PLCL1: variants seen among roughly 807,000 people sequenced by gnomAD.
PLCL1 encodes phospholipase C like 1 (inactive).
A neutral mutation model predicts 84.4 loss-of-function variants in PLCL1; 41 were observed. The observed-to-expected ratio is 0.49, with a 90% confidence interval of 0.38 to 0.63. The LOEUF (loss-of-function observed/expected upper bound fraction) is 0.63, where lower values mean the gene tolerates loss of function less well. Among genes scored for constraint, PLCL1 ranks in the 30% least tolerant of loss-of-function variants. The pLI, the probability that PLCL1 is intolerant of heterozygous loss-of-function variation, is 0.00. For missense variants in PLCL1, 1,206 were observed against 1,367.8 expected (o/e 0.88, Z 1.87); for synonymous variants, 490 against 488.3 (o/e 1.00, Z -0.05).
At chr2:198,031,947 TG>T (rs991518914) in intron 1 of PLCL1, among the ~76,000 whole-genome samples, 10 of 152,132 alleles carry the variant, frequency 6.6e-5, no homozygotes, top group African/African-American at 2.4e-4. Context: ...TCATGTAAGA[TG>T]GGTACATATA....
At chr2:197,955,880 G>A (rs1689480875) in intron 1 of PLCL1, among the ~76,000 whole-genome samples, 1 of 151,180 alleles carries the variant, frequency 6.6e-6, no homozygotes, top group Admixed American at 6.6e-5. Context: ...GTATACATGT[G>A]CCATGGTGGT....
At chr2:197,980,623 G>A (rs1327115356) in intron 1 of PLCL1, among the ~76,000 whole-genome samples, 1 of 152,138 alleles carries the variant, frequency 6.6e-6, no homozygotes, top group Non-Finnish European at 1.5e-5. Context: ...AATAAATAAT[G>A]TATTGAGCAC....
At chr2:198,096,008 A>G (rs1337740978) in intron 3 of PLCL1, among the ~76,000 whole-genome samples, 1 of 152,180 alleles carries the variant, frequency 6.6e-6, no homozygotes, top group Non-Finnish European at 1.5e-5. Context: ...TTGATATGCC[A>G]TTTTGTATAT....
chr2:197,879,403 G>T (rs1454078345), intron 1 of PLCL1, among the ~76,000 whole-genome samples: 1 of 152,154 alleles, frequency 6.6e-6, no homozygotes, highest in Admixed American at 6.5e-5. Flanking sequence ...AATTTCTGTT[G>T]TGTATCAGAG....
chr2:197,856,551 T>C (rs1687333281), intron 1 of PLCL1, among the ~76,000 whole-genome samples: 1 of 152,202 alleles, frequency 6.6e-6, no homozygotes, highest in Admixed American at 6.6e-5. Context: ...ATTGTATGTA[T>C]GCAGTTACGA....
intron 4 of PLCL1, among the ~76,000 whole-genome samples, chr2:198,102,818 G>A (rs1693378469): frequency 1.3e-5 from 2 of 152,090 alleles, no homozygotes; most frequent in Admixed American, 1.3e-4. Context: ...GAAGTTCCAA[G>A]GAAGGAGATT....
intron 1 of PLCL1, among the ~76,000 whole-genome samples, chr2:197,863,877 G>A (rs546469179): frequency 6.6e-6 from 1 of 152,234 alleles, no homozygotes; most frequent in South Asian, 2.1e-4. Flanking sequence ...AGAGCACTTT[G>A]ATAAGATAGC....
chr2:198,000,739 C>CTTT lies in PLCL1; in HGVS notation c.241-83009_241-83007dup, dbSNP rs111755074. On this transcript the variant is annotated intron_variant, in intron 1 of 5. Coordinates refer to ENST00000428675, the MANE Select transcript of PLCL1 (RefSeq NM_006226.4). ...AACAACCTGCTATCACTTTATTTCC[C>CTTT]TTTTTTTTTTTTATCTTGGAGACTT... is the stretch of plus-strand genomic sequence containing the variant. Among the ~76,000 whole-genome samples, 107 of 145,358 alleles carry CTTT rather than the reference C, an allele frequency of 7.4e-4. 1 individual carries two copies. The highest frequency in any genetic ancestry group is 5.0e-3 in the East Asian group (25 of 5,004).
At position 197,805,024 on chromosome 2, in the gene PLCL1, C is replaced by A; in HGVS notation, c.-76C>A. On this transcript the variant is annotated 5_prime_UTR_variant, in exon 1 of 6. Coordinates refer to ENST00000428675, the MANE Select transcript of PLCL1 (RefSeq NM_006226.4). This position sits in a 1 kb window ranked among gnomAD's most constrained non-coding sequence, Gnocchi z 4.0. ...GCGGGGCCGCCTCCCGGTGCAGGAGCGCACCGGTGCCTAGCGGCTGGACTC... is the reference window on the plus strand; with the variant it reads ...GCGGGGCCGCCTCCCGGTGCAGGAGAGCACCGGTGCCTAGCGGCTGGACTC... 2.9e-6 allele frequency: 4 copies of A among 1,391,098 alleles called. No homozygotes were observed. The highest frequency in any genetic ancestry group is 3.7e-6 in the Non-Finnish European group (4 of 1,070,402). The allele number at this position is 1,391,098 out of a possible 1,614,324, so 86.2% of individuals were successfully genotyped here.
intron 1 of PLCL1, among the ~76,000 whole-genome samples, chr2:197,865,169 C>T (rs1374816430): frequency 6.6e-6 from 1 of 152,136 alleles, no homozygotes; most frequent in African/African-American, 2.4e-5. Context: ...AAATAGGTTT[C>T]AGTCACTCAA....
intron 1 of PLCL1, among the ~76,000 whole-genome samples, chr2:198,003,004 T>C (rs1690639500): frequency 6.6e-6 from 1 of 152,176 alleles, no homozygotes; most frequent in East Asian, 1.9e-4. Context: ...AATTAACTTC[T>C]GGAAGCTACC....
At chr2:198,127,333 T>G (rs949795540) in intron 5 of PLCL1, among the ~76,000 whole-genome samples, 1 of 152,144 alleles carries the variant, frequency 6.6e-6, no homozygotes, top group Non-Finnish European at 1.5e-5. Flanking sequence ...TTACATCATG[T>G]TAGATTAAGT....
chr2:197,865,405 G>T (rs564844071), intron 1 of PLCL1, among the ~76,000 whole-genome samples: 1 of 152,244 alleles, frequency 6.6e-6, no homozygotes, highest in African/African-American at 2.4e-5. Context: ...AGTAAACCTG[G>T]CTTCTTGTTA....
intron 1 of PLCL1, among the ~76,000 whole-genome samples, chr2:197,872,160 C>T (rs1687660420): frequency 6.6e-6 from 1 of 152,118 alleles, no homozygotes; most frequent in African/African-American, 2.4e-5. Flanking sequence ...GTTTTCTCCC[C>T]CCTGGCCTAA....
chr2:197,864,482 TC>T (rs747627133), intron 1 of PLCL1, among the ~76,000 whole-genome samples: 1 of 145,376 alleles, frequency 6.9e-6, no homozygotes, highest in Non-Finnish European at 1.5e-5. Flanking sequence ...TCAATAGCAT[TC>T]TTTTTTTTTT....
At chr2:198,136,537 A>T (rs930458480) in intron 5 of PLCL1, among the ~76,000 whole-genome samples, 4 of 152,076 alleles carry the variant, frequency 2.6e-5, no homozygotes, top group Non-Finnish European at 4.4e-5. Flanking sequence ...CTAAGAGAGA[A>T]ATGAGGAATC....
At position 198,146,669 on chromosome 2, in the gene PLCL1, T is replaced by G. The variant is rs946909151; in HGVS notation, c.3106-111T>G. Reference sequence around the variant, plus strand: ...CCCTGGAAAAGTGAGCTTGCAGGTCTGGGTCTGTTTCCTTATTCAGCAATG... The same window carrying G: ...CCCTGGAAAAGTGAGCTTGCAGGTCGGGGTCTGTTTCCTTATTCAGCAATG... On this transcript the variant is annotated intron_variant, in intron 5 of 5. Coordinates refer to ENST00000428675, the MANE Select transcript of PLCL1 (RefSeq NM_006226.4). 3.7e-6 allele frequency: 3 copies of G among 813,372 alleles called. No homozygotes were observed. The African/African-American group carries it at 5.2e-5, about 14-fold the overall frequency. The allele number at this position is 813,372 out of a possible 1,614,324, so 50.4% of individuals were successfully genotyped here.
chr2:198,029,258 A>G (rs182472355), intron 1 of PLCL1, among the ~76,000 whole-genome samples: 142 of 152,284 alleles, frequency 9.3e-4, no homozygotes, highest in African/African-American at 3.4e-3. Context: ...TTTATTTACT[A>G]CATTGTATAG....
chr2:197,949,210 T>A (rs1164808028), intron 1 of PLCL1, among the ~76,000 whole-genome samples: 2 of 152,166 alleles, frequency 1.3e-5, no homozygotes, highest in African/African-American at 4.8e-5. Context: ...AAGTCAGAAT[T>A]TGTTTTTGGA....
Sources: gnomAD v4.1 joint callset for allele counts (sites outside exome capture counted in the v4.1 genomes callset) on GRCh38, gnomAD v4.1.1 for gene constraint, Gnocchi (gnomAD v3.1) non-coding constraint, MANE v1.5 for transcripts, NCBI Gene and HGNC (gene_info 2026-07-23, HGNC 2026-07-21) for gene names.